Variants in RIMS2 observed in about 807,000 individuals in gnomAD.
RIMS2 encodes regulating synaptic membrane exocytosis 2.
A neutral mutation model predicts 174.4 loss-of-function variants in RIMS2; 59 were observed. The observed-to-expected ratio is 0.34, with a 90% CI of 0.27 to 0.42. The LOEUF (loss-of-function observed/expected upper bound fraction) is 0.42. Ranked by LOEUF, RIMS2 falls within the 10% of genes least tolerant of loss-of-function variation. The pLI is 1.00. For missense variants in RIMS2, 1,620 were observed against 1,666.3 expected (o/e 0.97, Z 0.48); for synonymous variants, 606 against 572.5 (o/e 1.06, Z -0.84).
At chr8:104,061,433 A>T (rs1468490635) in intron 19 of RIMS2, among the ~76,000 whole-genome samples, 1 of 151,992 alleles carries the variant, frequency 6.6e-6, no homozygotes, top group African/African-American at 2.4e-5. Flanking sequence ...TGTATTTTTT[A>T]ATTACACTTT....
chr8:103,755,415 G>A (rs887633912), intron 2 of RIMS2, among the ~76,000 whole-genome samples: 1 of 152,116 alleles, frequency 6.6e-6, no homozygotes, highest in South Asian at 2.1e-4. Flanking sequence ...TCTTGGGGTT[G>A]CTCTTCTCGA....
At chr8:103,745,643 TA>T (rs1243337276) in intron 2 of RIMS2, among the ~76,000 whole-genome samples, 1 of 152,178 alleles carries the variant, frequency 6.6e-6, no homozygotes, top group African/African-American at 2.4e-5. Flanking sequence ...TCTGTTCTTT[TA>T]AAAAATGACA....
At chr8:103,575,129 A>G (rs2093119364) in intron 1 of RIMS2, among the ~76,000 whole-genome samples, 1 of 152,164 alleles carries the variant, frequency 6.6e-6, no homozygotes, top group Admixed American at 6.5e-5. Flanking sequence ...AAAAATAGGA[A>G]AGACACTTAT....
chr8:103,740,615 A>G (rs1455068205), intron 2 of RIMS2, among the ~76,000 whole-genome samples: 1 of 152,164 alleles, frequency 6.6e-6, no homozygotes, highest in Non-Finnish European at 1.5e-5. Context: ...TGAATCCGTA[A>G]TTTAATTTCG....
chr8:104,223,325 G>A (rs2099164885), intron 19 of RIMS2: 1 of 1,049,686 alleles, frequency 9.5e-7, no homozygotes, highest in African/African-American at 1.7e-5. Context: ...GCGCGGGGAG[G>A]GCAGCGAGAC....
intron 19 of RIMS2, among the ~76,000 whole-genome samples, chr8:104,050,931 C>T (rs2096774759): frequency 6.6e-6 from 1 of 152,056 alleles, no homozygotes. Context: ...GTGATGAAAA[C>T]ATAATATATA....
At chr8:104,059,903 C>A (rs1260548264) in intron 19 of RIMS2, among the ~76,000 whole-genome samples, 2 of 152,188 alleles carry the variant, frequency 1.3e-5, no homozygotes, top group Non-Finnish European at 2.9e-5. Context: ...ACCAGCCTTG[C>A]ATCCCAGGGA....
At chr8:103,530,174 G>T (rs1007157203) in intron 1 of RIMS2, among the ~76,000 whole-genome samples, 4 of 152,176 alleles carry the variant, frequency 2.6e-5, no homozygotes, top group African/African-American at 9.6e-5. Flanking sequence ...ACATTGCCAG[G>T]AAGAAGTAAA....
intron 1 of RIMS2, among the ~76,000 whole-genome samples, chr8:103,621,014 A>C (rs1393024109): frequency 6.6e-6 from 1 of 152,220 alleles, no homozygotes; most frequent in Non-Finnish European, 1.5e-5. Context: ...ATGAAATTTA[A>C]ATAAAAATAA....
chr8:103,717,138 C>CTTTTTTTTTTTT (rs11373218), intron 2 of RIMS2, among the ~76,000 whole-genome samples: 2 of 113,106 alleles, frequency 1.8e-5, no homozygotes, highest in Non-Finnish European at 3.5e-5. Flanking sequence ...ATAGTGCCTT[C>CTTTTTTTTTTTT]TTTTTTTTTT....
At chr8:103,964,932 T>G (rs999447221) in intron 15 of RIMS2, among the ~76,000 whole-genome samples, 6 of 152,184 alleles carry the variant, frequency 3.9e-5, no homozygotes, top group Admixed American at 2.6e-4. Flanking sequence ...TTGTATTGCC[T>G]TTGCTTTTAT....
intron 3 of RIMS2, among the ~76,000 whole-genome samples, chr8:103,847,177 A>G (rs899686456): frequency 1.1e-4 from 16 of 152,140 alleles, no homozygotes; most frequent in African/African-American, 3.9e-4. Flanking sequence ...CTGAAGCAAC[A>G]GTATGGCACA....
chr8:103,600,292 CAG>C lies in RIMS2; in HGVS notation c.177-96791_177-96790del, dbSNP rs1212068179. ...CTTTCTTTCTTTCTTTTTTCTGAGA[CAG>C]AGTCTCAGTCTGTCACCCAGGCTGG... On this transcript the variant is annotated intron_variant, in intron 1 of 23. Transcript: ENST00000504942. Among the ~76,000 whole-genome samples, 3 of 150,050 alleles carry C rather than the reference CAG, an allele frequency of 2.0e-5. No individual in the cohort carries two copies. The East Asian group carries it at 5.8e-4, about 29-fold the overall frequency.
At chr8:103,658,750 T>C (rs2096561457) in intron 1 of RIMS2, among the ~76,000 whole-genome samples, 1 of 152,198 alleles carries the variant, frequency 6.6e-6, no homozygotes, top group Non-Finnish European at 1.5e-5. Flanking sequence ...CAGGACAGTT[T>C]TTCTCCCTTG....
At chr8:104,244,185 T>C (rs1174437608) in intron 19 of RIMS2, among the ~76,000 whole-genome samples, 2 of 152,154 alleles carry the variant, frequency 1.3e-5, no homozygotes, top group Admixed American at 1.3e-4. Flanking sequence ...TTCTAATTGG[T>C]TTCTATTAGT....
intron 1 of RIMS2, among the ~76,000 whole-genome samples, chr8:103,623,519 C>G (rs1417189132): frequency 8.3e-6 from 1 of 120,480 alleles, no homozygotes; most frequent in Admixed American, 1.1e-4. Flanking sequence ...GAGTCTCGCT[C>G]TGTCGCCCAG....
intron 3 of RIMS2, among the ~76,000 whole-genome samples, chr8:103,793,872 C>G (rs1445004225): frequency 1.3e-5 from 2 of 152,128 alleles, no homozygotes; most frequent in African/African-American, 4.8e-5. Context: ...ATCCAACTTA[C>G]AAGGGATGTG....
At chr8:103,682,056 C>G (rs1272772459) in intron 1 of RIMS2, among the ~76,000 whole-genome samples, 4 of 151,890 alleles carry the variant, frequency 2.6e-5, no homozygotes, top group African/African-American at 9.7e-5. Context: ...AATGGTGGCA[C>G]CATTTTACTG....
chr8:104,138,723 T>G (rs933441427), intron 19 of RIMS2, among the ~76,000 whole-genome samples: 1 of 146,424 alleles, frequency 6.8e-6, no homozygotes, highest in Non-Finnish European at 1.5e-5. Context: ...GTGGATTGTC[T>G]CTTCACTTTG....
Sources: gnomAD v4.1 joint callset for allele counts (sites outside exome capture counted in the v4.1 genomes callset) on GRCh38, gnomAD v4.1.1 for gene constraint, MANE v1.5 for transcripts, NCBI Gene and HGNC (gene_info 2026-07-23, HGNC 2026-07-21) for gene names.